Variants in ZNF516 observed in about 807,000 individuals in gnomAD.
ZNF516 encodes the protein zinc finger protein 516.
ZNF516 carries 19 observed loss-of-function variants against 79.7 expected under a neutral mutation model. The observed-to-expected ratio is 0.24, with a 90% CI of 0.17 to 0.35. The LOEUF (loss-of-function observed/expected upper bound fraction) is 0.35, where lower values mean the gene tolerates loss of function less well. Among genes scored for constraint, ZNF516 ranks in the 10% least tolerant of loss-of-function variants. The probability of loss-of-function intolerance (pLI) is 1.00; values close to 1 mark genes in which losing one functional copy is unlikely to be tolerated. For missense variants in ZNF516, 1,678 were observed against 1,679.5 expected, an observed-to-expected ratio of 1.00 and a Z score of 0.02; for synonymous variants, 877 against 739.5, an observed-to-expected ratio of 1.19 and a Z score of -3.02.
intron 2 of ZNF516, among the ~76,000 whole-genome samples, chr18:76,445,794 C>CA (rs1340137449): frequency 6.6e-6 from 1 of 152,252 alleles, no homozygotes. Flanking sequence ...CAGGCCTGGT[C>CA]AGGGCCGTTA....
rs2074858948 is a variant in ZNF516 at position 76,379,810 on chromosome 18, C to T, written c.2304G>A (p.Lys768=). 6.2e-7 allele frequency: 1 copy of T among 1,613,682 alleles called. No individual in the cohort carries two copies. Among genetic ancestry groups the T allele is most frequent in the Non-Finnish European group, 8.5e-7 (1 of 1,179,838 alleles). ...TCCACAGGACCTCGGGGTAGTAGGTCTTGTGGCTGCAGTAAGGACACGGGT... is the reference window on the plus strand; with the variant it reads ...TCCACAGGACCTCGGGGTAGTAGGTTTTGTGGCTGCAGTAAGGACACGGGT... The part of the protein sequence containing the change: ...VVHPCPYCSH[K]TYYPEVLWMH... The change falls in exon 4 of 7, where the codon AAG becomes AAA. Residue 768 remains lysine, a synonymous_variant. Transcript: ENST00000443185.
At chr18:76,474,326 A>G (rs1465527456) in intron 1 of ZNF516, among the ~76,000 whole-genome samples, 1 of 152,222 alleles carries the variant, frequency 6.6e-6, no homozygotes, top group East Asian at 1.9e-4. Flanking sequence ...CTCCATATTA[A>G]CCACAAGGAA....
At chr18:76,462,431 G>A (rs994566175) in intron 2 of ZNF516, among the ~76,000 whole-genome samples, 9 of 152,226 alleles carry the variant, frequency 5.9e-5, no homozygotes, top group Non-Finnish European at 8.8e-5. Context: ...ATCGCCGTCA[G>A]GGCAGGTCTC....
intron 3 of ZNF516, among the ~76,000 whole-genome samples, chr18:76,429,527 G>A (rs1183769114): frequency 6.6e-6 from 1 of 152,112 alleles, no homozygotes; most frequent in African/African-American, 2.4e-5. Context: ...CACAGTGAAG[G>A]AAGACGATGA....
At chr18:76,489,062 T>G (rs998094934) in intron 1 of ZNF516, among the ~76,000 whole-genome samples, 4 of 152,342 alleles carry the variant, frequency 2.6e-5, no homozygotes, top group African/African-American at 9.6e-5. Context: ...TCAGTCTCTA[T>G]CTCTACAGCA....
At chr18:76,437,712 A>G (rs660029) in intron 3 of ZNF516, among the ~76,000 whole-genome samples, 92,819 of 151,984 alleles carry the variant, frequency 0.61, 28,377 homozygotes, top group South Asian at 0.72. Context: ...TCATCTCTAG[A>G]TTACTTATAA....
intron 3 of ZNF516, among the ~76,000 whole-genome samples, chr18:76,417,042 G>C (rs1009280972): frequency 6.6e-5 from 10 of 152,300 alleles, no homozygotes; most frequent in African/African-American, 2.2e-4. Flanking sequence ...CTGGGATATT[G>C]AGAAATAAAC....
chr18:76,492,103 G>A (rs1247520761), intron 1 of ZNF516: 1 of 936,528 alleles, frequency 1.1e-6, no homozygotes, highest in African/African-American at 1.8e-5. Flanking sequence ...TCCCTGCAGG[G>A]GTCTCCGGGG....
intron 1 of ZNF516, among the ~76,000 whole-genome samples, chr18:76,476,587 AG>A (rs1914187744): frequency 6.6e-6 from 1 of 152,252 alleles, no homozygotes; most frequent in Non-Finnish European, 1.5e-5. Flanking sequence ...CTCCAACTTC[AG>A]ACATCTTAAA....
chr18:76,458,671 T>TGTGTG (rs1568310515), intron 2 of ZNF516, among the ~76,000 whole-genome samples: 1 of 125,870 alleles, frequency 7.9e-6, no homozygotes, highest in East Asian at 2.6e-4. Context: ...TGCCTCACCG[T>TGTGTG]CGTGTGTGCG....
Position 76,357,833 on chromosome 18 carries a change from G to T in ZNF516, c.*4665C>A, listed in dbSNP as rs589811. Among the ~76,000 whole-genome samples, 42,652 of 151,914 alleles carry T rather than the reference G, an allele frequency of 0.28. 7,699 individuals are homozygous for T. The highest frequency in any genetic ancestry group is 0.52 in the African/African-American group (21,433 of 41,388). On this transcript the variant is annotated 3_prime_UTR_variant, in exon 7 of 7. Transcript: ENST00000443185. ...CCAGGTGTGGCTGAGTCAGAATTCC[G>T]TCCGCGTCCATCCCTGTGCGTCCTG... is the stretch of plus-strand genomic sequence containing the variant.
chr18:76,379,313 G>A lies in ZNF516; in HGVS notation c.2801C>T (p.Thr934Ile). 6.2e-7 allele frequency: 1 copy of A among 1,605,360 alleles called. No homozygotes were observed. Among genetic ancestry groups the A allele is most frequent in the Non-Finnish European group, 8.5e-7 (1 of 1,175,534 alleles). ...CTGCGCGCCAGCCCGGGCGATGACGGTGGGCGTAGGGGTGGCGCTCCTGCT... is the reference window on the plus strand; with the variant it reads ...CTGCGCGCCAGCCCGGGCGATGACGATGGGCGTAGGGGTGGCGCTCCTGCT... ...GFSRSATPTPTVIARAGAQPS... is the reference protein window; with the variant it reads ...GFSRSATPTPIVIARAGAQPS... Residue 934 changes from threonine (T) to isoleucine (I), a missense_variant, in exon 4 of 7, where the codon ACC (threonine) becomes ATC (isoleucine). This residue lies in a region of ZNF516 where 1,294 missense variants were observed against 1,248.3 expected (regional missense o/e 1.04). Coordinates refer to ENST00000443185, the MANE Select transcript of ZNF516 (RefSeq NM_014643.4).
chr18:76,360,654 T>TAA lies in ZNF516; in HGVS notation c.*1843_*1844insTT, dbSNP rs1568224025. 3 of 62,854 alleles carry TAA rather than the reference T, an allele frequency of 4.8e-5. No individual in the cohort carries two copies. The South Asian group carries it at 1.5e-3, about 32-fold the overall frequency. 3.9% of individuals were successfully genotyped at this position (62,854 alleles called of 1,614,324 possible). On this transcript the variant is annotated 3_prime_UTR_variant, in exon 7 of 7. Transcript: ENST00000443185. ...AAGTAAAAAAAAAAAAAAATATATA[T>TAA]ATATATATATATATATATATATATA...
chr18:76,390,903 C>T (rs1453040660), intron 3 of ZNF516, among the ~76,000 whole-genome samples: 2 of 152,120 alleles, frequency 1.3e-5, no homozygotes, highest in African/African-American at 4.8e-5. Flanking sequence ...AGATACGAAA[C>T]CTGAGGCACA....
At chr18:76,405,148 C>T (rs1257511431) in intron 3 of ZNF516, among the ~76,000 whole-genome samples, 3 of 152,222 alleles carry the variant, frequency 2.0e-5, no homozygotes, top group African/African-American at 7.2e-5. Context: ...TGGAGGTCAT[C>T]GGGAACACGG....
At position 76,370,541 on chromosome 18, in the gene ZNF516, T is replaced by A; in HGVS notation, c.3419A>T (p.Asp1140Val). The part of the protein sequence containing the change: ...RGSEVHTTSA[D>V]APKQGRDHSN... ...CATGAGACCTACTTGTTTGGGGGCG[T>A]CTGCGGAGGTGGTATGAACTTCAGA... The change falls in exon 6 of 7, where the codon GAC (aspartate) becomes GTC (valine). Residue 1140 changes from aspartate to valine, a missense_variant. Around this residue, in one of 5 missense-constraint regions of ZNF516, gnomAD observed 1,294 missense variants for 1,248.3 expected, o/e 1.04. Transcript: ENST00000443185. 2 of 1,607,412 alleles carry A rather than the reference T, an allele frequency of 1.2e-6. No homozygotes were observed. The highest frequency in any genetic ancestry group is 1.7e-6 in the Non-Finnish European group (2 of 1,176,700).
intron 1 of ZNF516, among the ~76,000 whole-genome samples, chr18:76,476,370 T>G (rs1442430463): frequency 6.6e-6 from 1 of 152,246 alleles, no homozygotes; most frequent in Non-Finnish European, 1.5e-5. Context: ...GAGTAAAGCC[T>G]TCAGTGCCAG....
At chr18:76,437,442 T>G (rs1040309837) in intron 3 of ZNF516, among the ~76,000 whole-genome samples, 1 of 99,034 alleles carries the variant, frequency 1.0e-5, no homozygotes, top group Non-Finnish European at 2.2e-5. Context: ...CCCTTGACCA[T>G]ATTTTTTTTT....
chr18:76,430,536 A>G (rs2075648681), intron 3 of ZNF516, among the ~76,000 whole-genome samples: 1 of 152,218 alleles, frequency 6.6e-6, no homozygotes, highest in Non-Finnish European at 1.5e-5. Flanking sequence ...CCAACAACCT[A>G]ATTTCATGAC....
Sources: allele counts gnomAD v4.1 joint callset (sites outside exome capture counted in the v4.1 genomes callset), GRCh38; gene constraint gnomAD v4.1.1; regional missense constraint gnomAD v4.1.1; transcripts MANE v1.5; gene names NCBI Gene and HGNC (gene_info 2026-07-23, HGNC 2026-07-21).